The following ACVR1 variants were observed in gnomAD, a reference collection of about 807,000 sequenced individuals.
ACVR1 encodes the protein activin A receptor type 1, also known as activin receptor type-1.
ACVR1 carries 38 observed loss-of-function variants against 57.1 expected under a neutral mutation model. The ratio of observed to expected loss-of-function variants is 0.67; its 90% confidence interval spans 0.51 to 0.87. ACVR1 has a LOEUF of 0.87. Among genes scored for constraint, ACVR1 ranks in the 40% least tolerant of loss-of-function variants. The pLI is 0.00. For synonymous variants in ACVR1, 212 were observed against 228.1 expected (o/e 0.93, Z 0.63); for missense variants, 463 against 638.2 (o/e 0.73, Z 2.96).
intron 3 of ACVR1, among the ~76,000 whole-genome samples, chr2:157,784,972 T>C (rs963544418): frequency 6.6e-6 from 1 of 152,254 alleles, no homozygotes; most frequent in Non-Finnish European, 1.5e-5. Context: ...ATCACAACAC[T>C]GTGGACTTAC....
chr2:157,754,696 A>C (rs1685350748), intron 9 of ACVR1, among the ~76,000 whole-genome samples: 1 of 152,196 alleles, frequency 6.6e-6, no homozygotes, highest in South Asian at 2.1e-4. Flanking sequence ...AAGAATTGGT[A>C]CCAATCTTAC....
Position 157,738,541 on chromosome 2 carries a change from A to G in ACVR1, c.1294T>C (p.Tyr432His). The G allele has an allele frequency of 1.2e-6, 2 of 1,614,142 alleles. No individual in the cohort carries two copies. Among genetic ancestry groups the G allele is most frequent in the Non-Finnish European group, 1.7e-6 (2 of 1,179,974 alleles). ...GIVEDYKPPF[Y>H]DVVPNDPSFE... The stretch of plus-strand genomic sequence containing the variant: ...CTTGGGTCATTGGGAACCACATCGT[A>G]GAACGGTGGCTTGTAATCCTCCACT... The change falls in exon 10 of 11, where the codon TAC becomes CAC. Residue 432 changes from tyrosine (Y) to histidine (H), a missense_variant. Transcript: ENST00000434821.
At chr2:157,769,834 C>T (rs927677916) in intron 7 of ACVR1, among the ~76,000 whole-genome samples, 1 of 152,162 alleles carries the variant, frequency 6.6e-6, no homozygotes, top group African/African-American at 2.4e-5. Flanking sequence ...AGTATTTCAA[C>T]GGGCACTTTA....
chr2:157,768,018 C>G (rs539494947), intron 7 of ACVR1, among the ~76,000 whole-genome samples: 1 of 152,348 alleles, frequency 6.6e-6, no homozygotes, highest in South Asian at 2.1e-4. Context: ...AGAACCCAGA[C>G]TCTTACTGAC....
intron 1 of ACVR1, among the ~76,000 whole-genome samples, chr2:157,851,902 CACACACA>C (rs1689322753): frequency 2.3e-5 from 2 of 85,794 alleles, no homozygotes; most frequent in African/African-American, 7.2e-5. Context: ...CACACACACA[CACACACA>C]CCACCCCCAC....
At chr2:157,841,219 A>G (rs886693208) in intron 1 of ACVR1, among the ~76,000 whole-genome samples, 3 of 129,618 alleles carry the variant, frequency 2.3e-5, no homozygotes, top group East Asian at 1.9e-4. Context: ...TGATGCTGAG[A>G]AAAAAAAACT....
At chr2:157,775,556 C>T (rs1686249125) in intron 5 of ACVR1, among the ~76,000 whole-genome samples, 2 of 152,200 alleles carry the variant, frequency 1.3e-5, no homozygotes, top group Admixed American at 6.5e-5. Context: ...TACTGTTGAT[C>T]GGCAAAATTA....
At chr2:157,853,905 C>G (rs1157497852) in intron 1 of ACVR1, among the ~76,000 whole-genome samples, 1 of 152,136 alleles carries the variant, frequency 6.6e-6, no homozygotes, top group Non-Finnish European at 1.5e-5. Context: ...TCTTCAAGTC[C>G]TCACTTAATA....
At position 157,767,622 on chromosome 2, in the gene ACVR1, T is replaced by C. The variant is rs145235285; in HGVS notation, c.791-1426A>G. 2.0e-5 allele frequency among the ~76,000 whole-genome samples: 3 copies of C among 152,368 alleles called. No homozygotes were observed. In the East Asian group the frequency reaches 5.8e-4, roughly 29 times the overall value. ...AGAGAAAATACATTAAAATGCTTTA[T>C]ACTTGCATAGTACTTTATATAAAAT... is the stretch of plus-strand genomic sequence containing the variant. On this transcript the variant is annotated intron_variant, in intron 7 of 10. Coordinates refer to ENST00000434821, the MANE Select transcript of ACVR1 (RefSeq NM_001111067.4).
intron 1 of ACVR1, among the ~76,000 whole-genome samples, chr2:157,828,682 GA>G (rs1018173680): frequency 3.2e-4 from 49 of 152,174 alleles, no homozygotes; most frequent in African/African-American, 1.2e-3. Flanking sequence ...ACTAATTAAA[GA>G]AAAAAATGTA....
chr2:157,790,225 T>A (rs1559058193), intron 3 of ACVR1: 1 of 152,318 alleles, frequency 6.6e-6, no homozygotes, highest in Admixed American at 6.5e-5. Context: ...TTTCAGTTGC[T>A]GTCAGCTCAG....
intron 1 of ACVR1, among the ~76,000 whole-genome samples, chr2:157,852,394 G>A (rs938985789): frequency 6.6e-6 from 1 of 151,846 alleles, no homozygotes; most frequent in African/African-American, 2.4e-5. Flanking sequence ...GCTATAGGGA[G>A]GCTGATGTGG....
chr2:157,834,877 A>G (rs1412634074), intron 1 of ACVR1, among the ~76,000 whole-genome samples: 2 of 152,134 alleles, frequency 1.3e-5, no homozygotes, highest in African/African-American at 4.8e-5. Context: ...GAGACCCCAG[A>G]TAGCTACCTT....
chr2:157,805,217 A>C (rs949733967), intron 2 of ACVR1, among the ~76,000 whole-genome samples: 2 of 152,210 alleles, frequency 1.3e-5, no homozygotes, highest in Admixed American at 6.5e-5. Flanking sequence ...ATTCTTTCCC[A>C]TTGGAAAATT....
At chr2:157,843,550 T>C (rs1196946851) in intron 1 of ACVR1, among the ~76,000 whole-genome samples, 1 of 152,216 alleles carries the variant, frequency 6.6e-6, no homozygotes, top group Non-Finnish European at 1.5e-5. Flanking sequence ...ACTTCCTTAA[T>C]GTCACAAAGC....
chr2:157,838,037 T>C (rs867517221), intron 1 of ACVR1, among the ~76,000 whole-genome samples: 4 of 152,120 alleles, frequency 2.6e-5, no homozygotes, highest in Admixed American at 6.5e-5. Flanking sequence ...CATTTTCCTG[T>C]CAGTACAGAA....
intron 9 of ACVR1, among the ~76,000 whole-genome samples, chr2:157,742,871 G>A (rs1684833059): frequency 6.6e-6 from 1 of 152,110 alleles, no homozygotes; most frequent in Admixed American, 6.5e-5. Context: ...AGGTCTCTCT[G>A]CATCAGTCCT....
chr2:157,850,109 G>A (rs934914236), intron 1 of ACVR1, among the ~76,000 whole-genome samples: 1 of 152,178 alleles, frequency 6.6e-6, no homozygotes, highest in Non-Finnish European at 1.5e-5. Context: ...AAATGAGAAG[G>A]CCGGGTGCGG....
intron 7 of ACVR1, 60 bp downstream of exon 7, chr2:157,770,308 A>C: frequency 6.3e-7 from 1 of 1,592,440 alleles, no homozygotes. Context: ...CGGAGAGAGC[A>C]AAGGCAGACA....
Sources: allele counts gnomAD v4.1 joint callset (sites outside exome capture counted in the v4.1 genomes callset), GRCh38; gene constraint gnomAD v4.1.1; transcripts MANE v1.5; gene names NCBI Gene and HGNC (gene_info 2026-07-23, HGNC 2026-07-21).